PHACTR3: variants seen among roughly 807,000 people sequenced by gnomAD.
The protein encoded by PHACTR3 is phosphatase and actin regulator 3, also known as protein phosphatase 1, regulatory subunit 123.
In PHACTR3, 16 loss-of-function variants were observed where a neutral mutation model predicts 66.8. The ratio of observed to expected loss-of-function variants is 0.24; its 90% CI spans 0.16 to 0.36. PHACTR3 has a LOEUF of 0.36. Among genes scored for constraint, PHACTR3 ranks in the 10% least tolerant of loss-of-function variants. PHACTR3 has a pLI of 1.00. For missense variants in PHACTR3, 647 were observed against 719.9 expected, an observed-to-expected ratio of 0.90 and a Z score of 1.16; for synonymous variants, 323 against 292.1, an observed-to-expected ratio of 1.11 and a Z score of -1.08.
At chr20:59,780,403 C>G (rs532449908) in intron 7 of PHACTR3, among the ~76,000 whole-genome samples, 2 of 152,256 alleles carry the variant, frequency 1.3e-5, no homozygotes, top group South Asian at 4.2e-4. Flanking sequence ...CAGGGAAGTC[C>G]AAGATCAAGG....
chr20:59,739,171 C>G (rs2039060790), intron 1 of PHACTR3, among the ~76,000 whole-genome samples: 1 of 152,112 alleles, frequency 6.6e-6, no homozygotes, highest in African/African-American at 2.4e-5. Flanking sequence ...GTACCAGGCA[C>G]TAGGTGCTGG....
intron 1 of PHACTR3, among the ~76,000 whole-genome samples, chr20:59,657,879 T>C (rs1212492093): frequency 6.6e-6 from 1 of 152,278 alleles, no homozygotes; most frequent in East Asian, 1.9e-4. Flanking sequence ...TAGCCATTAT[T>C]TCTTTGAAAA....
At chr20:59,763,056 C>G (rs1047854056) in intron 4 of PHACTR3, among the ~76,000 whole-genome samples, 1 of 152,122 alleles carries the variant, frequency 6.6e-6, no homozygotes, top group Non-Finnish European at 1.5e-5. Flanking sequence ...GAATTATAAT[C>G]CCCACAATCC....
At chr20:59,603,660 T>G (rs1304909604), upstream of PHACTR3, 1 of 152,142 alleles carries the variant, frequency 6.6e-6, no homozygotes, top group Non-Finnish European at 1.5e-5. Context: ...CAAAGGGGGC[T>G]TAGAGCGGGG....
chr20:59,733,456 A>C lies in PHACTR3; in HGVS notation c.119-9651A>C, dbSNP rs926940433. On this transcript the variant is annotated intron_variant, in intron 1 of 12. Transcript: ENST00000371015. ...CCTGGCCACAGGCAATTGGATTTTC[A>C]GTGCTCAGTGCTTCCGTGTGAGGTT... Among the ~76,000 whole-genome samples the C allele has an allele frequency of 2.6e-5, 4 of 152,110 alleles. 1 individual carries two copies. The highest frequency in any genetic ancestry group is 5.9e-5 in the Non-Finnish European group (4 of 68,014).
At chr20:59,670,605 T>TTGGC (rs34824435) in intron 1 of PHACTR3, among the ~76,000 whole-genome samples, 18 of 47,168 alleles carry the variant, frequency 3.8e-4, no homozygotes, top group South Asian at 2.9e-3. Flanking sequence ...CTGCCGGGGG[T>TTGGC]GGGGGGGGGG....
chr20:59,748,936 G>A lies in PHACTR3; in HGVS notation c.358+1101G>A, dbSNP rs150769409. 6.2e-4 allele frequency among the ~76,000 whole-genome samples: 94 copies of A among 152,318 alleles called. 2 individuals are homozygous for A. The East Asian group carries it at 0.01, about 17-fold the overall frequency. On this transcript the variant is annotated intron_variant, in intron 3 of 12. Transcript: ENST00000371015. The stretch of plus-strand genomic sequence containing the variant: ...GCCGGGCCTGTCAGCACACAAACCC[G>A]ATTGTGGGCCCAGGCTTTTGTCATT...
chr20:59,712,464 T>A (rs1455507276), intron 1 of PHACTR3, among the ~76,000 whole-genome samples: 4 of 152,202 alleles, frequency 2.6e-5, no homozygotes, highest in Admixed American at 6.5e-5. Flanking sequence ...CTCTTCCTTG[T>A]CATTTTTTTA....
rs898862214 is a variant in PHACTR3, at chr20:59,767,381, C to T, written c.737C>T (p.Thr246Ile). Residue 246 changes from threonine (T) to isoleucine (I), a missense_variant, in exon 5 of 13, where the codon ACA (threonine) becomes ATA (isoleucine). Coordinates refer to ENST00000371015, the MANE Select transcript of PHACTR3 (RefSeq NM_080672.5). Reference sequence around the variant, plus strand: ...CCACCCAAGGCAAGCTCCAAAACCACAAAAAATGTCACAGGTGGGTCCACA... The same window carrying T: ...CCACCCAAGGCAAGCTCCAAAACCATAAAAAATGTCACAGGTGGGTCCACA... ...TPPPKASSKT[T>I]KNVTGQATLF... 5 of 1,613,694 alleles carry T rather than the reference C, an allele frequency of 3.1e-6. No individual in the cohort carries two copies. The highest frequency in any genetic ancestry group is 2.2e-5 in the East Asian group (1 of 44,878).
At chr20:59,825,128 G>A (rs2042149444) in intron 8 of PHACTR3, among the ~76,000 whole-genome samples, 1 of 152,232 alleles carries the variant, frequency 6.6e-6, no homozygotes, top group African/African-American at 2.4e-5. Flanking sequence ...GGTAGACAAA[G>A]TCTCTGCCCT....
chr20:59,597,273 G>A (rs2033352170), intron 1 of PHACTR3, among the ~76,000 whole-genome samples: 1 of 152,190 alleles, frequency 6.6e-6, no homozygotes, highest in Admixed American at 6.5e-5. Flanking sequence ...TGAGGTCCTT[G>A]GTAAGCTCTA....
chr20:59,834,542 T>A lies in PHACTR3; in HGVS notation c.1329-1963T>A, dbSNP rs191041649. ...GCAGACACTGCTGTACCAAGTGGAT[T>A]CTGTGTAACTCTCTCAGAAGTTTCC... On this transcript the variant is annotated intron_variant, in intron 8 of 12. Transcript: ENST00000371015. Among the ~76,000 whole-genome samples the A allele has an allele frequency of 1.0e-3, 158 of 152,322 alleles. 1 individual carries two copies. Among genetic ancestry groups the A allele is most frequent in the South Asian group, 6.2e-4 (3 of 4,822 alleles).
At chr20:59,707,787 G>A (rs1011387479) in intron 1 of PHACTR3, among the ~76,000 whole-genome samples, 3 of 152,010 alleles carry the variant, frequency 2.0e-5, no homozygotes, top group African/African-American at 2.4e-5. Flanking sequence ...TCTTGCCATC[G>A]AACGTGCCTG....
intron 1 of PHACTR3, among the ~76,000 whole-genome samples, chr20:59,623,030 A>G (rs1228287089): frequency 6.8e-6 from 1 of 146,122 alleles, no homozygotes; most frequent in Non-Finnish European, 1.5e-5. Flanking sequence ...ACTCAGAACC[A>G]TGGTTCCTGT....
At chr20:59,637,696 TAA>T (rs34038040) in intron 1 of PHACTR3, among the ~76,000 whole-genome samples, 87,190 of 143,100 alleles carry the variant, frequency 0.61, 26,166 homozygotes, top group African/African-American at 0.62. Flanking sequence ...CACAAAGCAT[TAA>T]AAAAAAAAAA....
exon 1 of PHACTR3, chr20:59,577,529 G>T (rs1199931561): frequency 6.9e-6 from 8 of 1,159,710 alleles, no homozygotes; most frequent in African/African-American, 1.6e-5. Flanking sequence ...GTGGCGGGGG[G>T]CGCGCCCGCT....
chr20:59,716,007 T>C (rs1372445352), intron 1 of PHACTR3, among the ~76,000 whole-genome samples: 2 of 152,212 alleles, frequency 1.3e-5, no homozygotes, highest in Non-Finnish European at 2.9e-5. Context: ...GAGTGTTTTC[T>C]ATTCCAGTTT....
At chr20:59,822,195 C>A (rs1476461511) in intron 8 of PHACTR3, among the ~76,000 whole-genome samples, 1 of 21,178 alleles carries the variant, frequency 4.7e-5, no homozygotes, top group African/African-American at 3.5e-4. Flanking sequence ...CCTCCGCAGC[C>A]ATCCCACCCC....
chr20:59,789,970 C>T (rs11907396), intron 7 of PHACTR3, among the ~76,000 whole-genome samples: 5,267 of 152,322 alleles, frequency 0.035, 304 homozygotes, highest in African/African-American at 0.12. Context: ...TTCCTTGTAA[C>T]TAAGACTTTG....
Sources: gnomAD v4.1 joint callset for allele counts (sites outside exome capture counted in the v4.1 genomes callset) on GRCh38, gnomAD v4.1.1 for gene constraint, MANE v1.5 for transcripts, NCBI Gene and HGNC (gene_info 2026-07-23, HGNC 2026-07-21) for gene names.